RORB: variants seen among roughly 807,000 people sequenced by gnomAD.
The protein encoded by RORB is RAR related orphan receptor B, also known as nuclear receptor ROR-beta.
Under a neutral mutation model 59.1 loss-of-function variants are expected in RORB, and 6 were observed. The observed-to-expected ratio is 0.10, with a 90% CI of 0.06 to 0.20. The LOEUF is 0.20. RORB is among the 10% of genes least tolerant of loss of function. The probability of loss-of-function intolerance (pLI) is 1.00; values close to 1 mark genes in which losing one functional copy is unlikely to be tolerated. For missense variants in RORB, 320 were observed against 560.5 expected, an observed-to-expected ratio of 0.57 and a Z score of 4.33; for synonymous variants, 215 against 204.5, an observed-to-expected ratio of 1.05 and a Z score of -0.44.
At chr9:74,652,940 A>G (rs1284003385) in intron 4 of RORB, among the ~76,000 whole-genome samples, 1 of 152,238 alleles carries the variant, frequency 6.6e-6, no homozygotes, top group Non-Finnish European at 1.5e-5. Flanking sequence ...GCTTAAATAT[A>G]TCAATGGTTT....
At chr9:74,674,986 A>C (rs1255455161) in intron 9 of RORB, among the ~76,000 whole-genome samples, 1 of 152,172 alleles carries the variant, frequency 6.6e-6, no homozygotes. Flanking sequence ...CCAGTCCATA[A>C]TAGGTAATAT....
chr9:74,658,926 C>T (rs1442337996), intron 4 of RORB, among the ~76,000 whole-genome samples: 3 of 152,270 alleles, frequency 2.0e-5, no homozygotes, highest in African/African-American at 7.2e-5. Flanking sequence ...TAGAGTAGAG[C>T]TATCATCAGA....
chr9:74,680,501 T>A (rs1387117583), intron 9 of RORB, among the ~76,000 whole-genome samples: 1 of 152,136 alleles, frequency 6.6e-6, no homozygotes, highest in African/African-American at 2.4e-5. Context: ...AAATGTCCAC[T>A]TCCATTTTGG....
At chr9:74,609,517 A>AT (rs1234564244) in intron 1 of RORB, among the ~76,000 whole-genome samples, 1 of 152,168 alleles carries the variant, frequency 6.6e-6, no homozygotes, top group Non-Finnish European at 1.5e-5. Context: ...CTTCAGGAGA[A>AT]TTTTTTCAGT....
intron 5 of RORB, 105 bp downstream of exon 5, chr9:74,660,843 G>C (rs1467431630): frequency 2.5e-6 from 3 of 1,199,938 alleles, no homozygotes; most frequent in African/African-American, 3.1e-5. Context: ...TTTTCTGTAA[G>C]GGCATCCTGC....
chr9:74,561,646 C>T (rs1421523730), intron 1 of RORB, among the ~76,000 whole-genome samples: 2 of 152,086 alleles, frequency 1.3e-5, no homozygotes, highest in Non-Finnish European at 2.9e-5. Context: ...ACAGAGAGTT[C>T]ACACACAGCC....
At chr9:74,639,700 T>G (rs1823763435) in intron 3 of RORB, among the ~76,000 whole-genome samples, 1 of 152,194 alleles carries the variant, frequency 6.6e-6, no homozygotes. Flanking sequence ...TGTATTCACT[T>G]CCATAACTCT....
At position 74,642,527 on chromosome 9, in the gene RORB, G is replaced by C; in HGVS notation, c.349G>C (p.Ala117Pro). Reference sequence around the variant, plus strand: ...GCAGCAGCAGAGTGGGGAGGCAGAAGCCCTTGCCAGGGTGTACAGCAGCAG... The same window carrying C: ...GCAGCAGCAGAGTGGGGAGGCAGAACCCCTTGCCAGGGTGTACAGCAGCAG... ...QRQQQSGEAE[A>P]LARVYSSSIS... is the part of the protein sequence containing the mutation. Residue 117 changes from alanine (A) to proline (P), a missense_variant, in exon 4 of 10, where the codon GCC becomes CCC. Ala to Pro is a conservative substitution (Grantham distance 27, BLOSUM62 -1). This residue lies in a region of RORB where 134 missense variants were observed against 156.2 expected (regional missense o/e 0.86). Transcript: ENST00000376896. 6.2e-7 allele frequency: 1 copy of C among 1,614,220 alleles called. No individual in the cohort carries two copies. The highest frequency in any genetic ancestry group is 8.5e-7 in the Non-Finnish European group (1 of 1,180,042).
chr9:74,627,498 A>G (rs1237256589), intron 1 of RORB, among the ~76,000 whole-genome samples: 7 of 152,206 alleles, frequency 4.6e-5, no homozygotes, highest in African/African-American at 7.2e-5. Flanking sequence ...AATGTTCCTT[A>G]TCTCATTTGT....
chr9:74,659,200 C>T (rs1824138867), intron 4 of RORB, among the ~76,000 whole-genome samples: 1 of 152,072 alleles, frequency 6.6e-6, no homozygotes, highest in Non-Finnish European at 1.5e-5. Flanking sequence ...TTATTAGAAG[C>T]TTAAGTTTAC....
At chr9:74,564,567 G>A (rs1204101412) in intron 1 of RORB, among the ~76,000 whole-genome samples, 2 of 152,130 alleles carry the variant, frequency 1.3e-5, no homozygotes, top group Non-Finnish European at 2.9e-5. Flanking sequence ...GTATCTCTTG[G>A]TTGCTCTGTT....
chr9:74,623,962 G>T (rs1291077583), intron 1 of RORB, among the ~76,000 whole-genome samples: 1 of 152,168 alleles, frequency 6.6e-6, no homozygotes, highest in East Asian at 1.9e-4. Context: ...TTCTCTTAAT[G>T]ATTATACTAA....
chr9:74,605,016 A>T (rs1823127272), intron 1 of RORB, among the ~76,000 whole-genome samples: 1 of 152,214 alleles, frequency 6.6e-6, no homozygotes, highest in Admixed American at 6.5e-5. Flanking sequence ...TAAGCCCCCA[A>T]GCTTTATGTA....
intron 9 of RORB, among the ~76,000 whole-genome samples, chr9:74,682,290 G>A (rs1228872937): frequency 8.0e-6 from 1 of 125,280 alleles, no homozygotes; most frequent in Non-Finnish European, 1.7e-5. Flanking sequence ...TTGTGGGGTG[G>A]GGGGAGGGGG....
chr9:74,642,888 G>A (rs1823835458), intron 4 of RORB, 73 bp downstream of exon 4: 1 of 1,180,706 alleles, frequency 8.5e-7, no homozygotes, highest in Non-Finnish European at 1.2e-6. Context: ...TATTTAGTAT[G>A]GTAATTTTCT....
At chr9:74,609,811 A>G (rs1323362) in intron 1 of RORB, among the ~76,000 whole-genome samples, 69,391 of 152,022 alleles carry the variant, frequency 0.46, 16,323 homozygotes, top group East Asian at 0.76. Flanking sequence ...GTGGTTGTCA[A>G]CTGGGCCTAT....
rs539290456 is a variant in RORB, at chr9:74,652,264, C to T, written c.638-8353C>T. 4.7e-4 allele frequency among the ~76,000 whole-genome samples: 71 copies of T among 152,210 alleles called. 1 individual carries two copies. The highest frequency in any genetic ancestry group is 1.7e-3 in the African/African-American group (69 of 41,536). ...TCTACTAAAAGATACAAAAATTAGC[C>T]AAGTGTGGTGGCTCGTGCCTGTAGT... On this transcript the variant is annotated intron_variant, in intron 4 of 9. Coordinates refer to ENST00000376896, the MANE Select transcript of RORB (RefSeq NM_006914.4).
At chr9:74,528,961 G>A (rs900145995) in intron 1 of RORB, among the ~76,000 whole-genome samples, 1 of 152,002 alleles carries the variant, frequency 6.6e-6, no homozygotes, top group East Asian at 1.9e-4. Flanking sequence ...TTTCAGACCA[G>A]CAGGATTCAA....
Position 74,611,376 on chromosome 9 carries a change from T to C in RORB, c.8-18906T>C, listed in dbSNP as rs971675600. ...AAACAGGAAATGAAGAGAAGATTTTTGTTTCAACTTCCTTGTTCCTACACT... is the reference window on the plus strand; with the variant it reads ...AAACAGGAAATGAAGAGAAGATTTTCGTTTCAACTTCCTTGTTCCTACACT... On this transcript the variant is annotated intron_variant, in intron 1 of 9. Transcript: ENST00000376896. Among the ~76,000 whole-genome samples, 5 of 152,342 alleles carry C rather than the reference T, an allele frequency of 3.3e-5. No homozygotes were observed. The East Asian group carries it at 9.6e-4, about 29-fold the overall frequency.
Sources: allele counts gnomAD v4.1 joint callset (sites outside exome capture counted in the v4.1 genomes callset), GRCh38; gene constraint gnomAD v4.1.1; regional missense constraint gnomAD v4.1.1; transcripts MANE v1.5; gene names NCBI Gene and HGNC (gene_info 2026-07-23, HGNC 2026-07-21).